Variants in NRG3 observed in about 807,000 individuals in gnomAD.
NRG3 encodes pro-neuregulin-3, membrane-bound isoform.
In NRG3, 31 loss-of-function variants were observed where a neutral mutation model predicts 66.9. The ratio of observed to expected loss-of-function variants is 0.46; its 90% CI spans 0.35 to 0.63. NRG3 has a LOEUF of 0.63. Ranked by LOEUF, NRG3 falls within the 20% of genes least tolerant of loss-of-function variation. NRG3 has a pLI of 0.00. For synonymous variants in NRG3, 393 were observed against 359.4 expected (o/e 1.09, Z -1.06); for missense variants, 910 against 878.9 (o/e 1.04, Z -0.45).
intron 1 of NRG3, among the ~76,000 whole-genome samples, chr10:82,020,320 C>T (rs951971139): frequency 3.3e-5 from 5 of 151,978 alleles, no homozygotes; most frequent in African/African-American, 1.2e-4. Flanking sequence ...TTGTTTAATT[C>T]CTTGAAGAGT....
chr10:81,957,063 A>G (rs935942822), intron 1 of NRG3, among the ~76,000 whole-genome samples: 4 of 152,140 alleles, frequency 2.6e-5, no homozygotes, highest in Non-Finnish European at 4.4e-5. Flanking sequence ...CACCAGTAAC[A>G]TGGTGCTTCT....
intron 2 of NRG3, among the ~76,000 whole-genome samples, chr10:82,364,806 A>G (rs541081046): frequency 4.6e-5 from 7 of 152,340 alleles, no homozygotes; most frequent in Middle Eastern, 3.4e-3. Flanking sequence ...CACTTGAAAT[A>G]TGGAATTGCT....
intron 1 of NRG3, among the ~76,000 whole-genome samples, chr10:82,148,826 C>G (rs1442161738): frequency 6.6e-6 from 1 of 152,108 alleles, no homozygotes; most frequent in Non-Finnish European, 1.5e-5. Context: ...CTATGACTTT[C>G]CTTTTTAGAC....
intron 1 of NRG3, among the ~76,000 whole-genome samples, chr10:82,285,071 C>T (rs1205636721): frequency 6.6e-6 from 1 of 152,166 alleles, no homozygotes; most frequent in Admixed American, 6.5e-5. Flanking sequence ...TGCCATCTTT[C>T]TGTTCAGAAA....
chr10:82,824,150 G>T (rs1056551525), intron 3 of NRG3, among the ~76,000 whole-genome samples: 5 of 152,044 alleles, frequency 3.3e-5, no homozygotes, highest in African/African-American at 1.2e-4. Flanking sequence ...TTTGTATCTG[G>T]CTTCTTTCAT....
intron 1 of NRG3, among the ~76,000 whole-genome samples, chr10:82,165,553 C>G (rs1474545966): frequency 2.0e-5 from 3 of 151,624 alleles, no homozygotes; most frequent in Non-Finnish European, 4.4e-5. Flanking sequence ...TAGTTGTTTC[C>G]TGCTTTTGAA....
chr10:82,387,037 T>C (rs1001696391), intron 2 of NRG3, among the ~76,000 whole-genome samples: 2 of 152,216 alleles, frequency 1.3e-5, no homozygotes, highest in African/African-American at 4.8e-5. Context: ...TGACTTCAAG[T>C]GATCTGCCCG....
At chr10:82,324,166 A>G (rs2081739130) in intron 1 of NRG3, among the ~76,000 whole-genome samples, 1 of 152,166 alleles carries the variant, frequency 6.6e-6, no homozygotes. Flanking sequence ...TGCCTGGCCA[A>G]GTAATTTTTC....
chr10:82,029,853 A>G (rs1262852984), intron 1 of NRG3, among the ~76,000 whole-genome samples: 1 of 152,090 alleles, frequency 6.6e-6, no homozygotes, highest in East Asian at 1.9e-4. Flanking sequence ...GGCATTTTGA[A>G]TGGCTTACTT....
chr10:82,793,550 T>G (rs1426912292), intron 3 of NRG3, among the ~76,000 whole-genome samples: 1 of 152,170 alleles, frequency 6.6e-6, no homozygotes, highest in African/African-American at 2.4e-5. Flanking sequence ...ATTTAAAACT[T>G]AAGCCTTCTC....
At chr10:82,914,489 C>T (rs1159627118) in intron 4 of NRG3, among the ~76,000 whole-genome samples, 1 of 152,104 alleles carries the variant, frequency 6.6e-6, no homozygotes, top group Non-Finnish European at 1.5e-5. Context: ...ACTGTAGTTA[C>T]AGGTGTCAGA....
intron 1 of NRG3, among the ~76,000 whole-genome samples, chr10:82,055,917 T>G (rs1564776207): frequency 6.6e-6 from 1 of 152,160 alleles, no homozygotes; most frequent in African/African-American, 2.4e-5. Context: ...ATTTCTCCTT[T>G]TGTTCTTAGG....
intron 4 of NRG3, among the ~76,000 whole-genome samples, chr10:82,930,169 G>T (rs1227682485): frequency 6.6e-6 from 1 of 152,126 alleles, no homozygotes; most frequent in Middle Eastern, 3.2e-3. Flanking sequence ...GAAGAGAGAT[G>T]GGAGTGTCCT....
intron 2 of NRG3, among the ~76,000 whole-genome samples, chr10:82,727,542 C>A (rs1393163052): frequency 1.3e-5 from 2 of 152,236 alleles, no homozygotes; most frequent in Non-Finnish European, 2.9e-5. Flanking sequence ...GGTTTGGAAA[C>A]CTCTGCCTAG....
chr10:82,963,851 C>A (rs1850927538), intron 6 of NRG3, among the ~76,000 whole-genome samples: 1 of 152,224 alleles, frequency 6.6e-6, no homozygotes, highest in East Asian at 1.9e-4. Flanking sequence ...TGACTACAAT[C>A]CCACACTCTG....
intron 3 of NRG3, among the ~76,000 whole-genome samples, chr10:82,787,801 A>G (rs1318954984): frequency 1.3e-5 from 2 of 152,166 alleles, no homozygotes; most frequent in Non-Finnish European, 2.9e-5. Context: ...ACAAATGTCA[A>G]GGCCATTCCA....
At chr10:82,256,431 A>G (rs1376252829) in intron 1 of NRG3, among the ~76,000 whole-genome samples, 1 of 152,058 alleles carries the variant, frequency 6.6e-6, no homozygotes, top group African/African-American at 2.4e-5. Context: ...TTTTTCTTGT[A>G]TGGCTCACTG....
Position 82,124,952 on chromosome 10 carries a change from G to T in NRG3, c.824-233787G>T, listed in dbSNP as rs74458026. Among the ~76,000 whole-genome samples, 1,260 of 151,882 alleles carry T rather than the reference G, an allele frequency of 8.3e-3. 25 individuals are homozygous for T. The highest frequency in any genetic ancestry group is 0.056 in the East Asian group (291 of 5,156). On this transcript the variant is annotated intron_variant, in intron 1 of 8. Transcript: ENST00000372141. ...TGACAAGCACATTTTACTCAGAAATGACATCAAAATGCAATATTTTTCTTG... is the reference window on the plus strand; with the variant it reads ...TGACAAGCACATTTTACTCAGAAATTACATCAAAATGCAATATTTTTCTTG...
Position 82,309,426 on chromosome 10 carries a change from G to T in NRG3, c.824-49313G>T, listed in dbSNP as rs937990700. On this transcript the variant is annotated intron_variant, in intron 1 of 8. Coordinates refer to ENST00000372141, the MANE Select transcript of NRG3 (RefSeq NM_001010848.4). ...TATTTTGAAGTCTCCTAGTTACATTGAGGGTGATTATACTTCATTTTACAA... is the reference window on the plus strand; with the variant it reads ...TATTTTGAAGTCTCCTAGTTACATTTAGGGTGATTATACTTCATTTTACAA... Among the ~76,000 whole-genome samples, 3 of 151,828 alleles carry T rather than the reference G, an allele frequency of 2.0e-5. No individual in the cohort carries two copies. The East Asian group carries it at 5.8e-4, about 29-fold the overall frequency.
Sources: gnomAD v4.1 joint callset for allele counts (sites outside exome capture counted in the v4.1 genomes callset) on GRCh38, gnomAD v4.1.1 for gene constraint, MANE v1.5 for transcripts, NCBI Gene and HGNC (gene_info 2026-07-23, HGNC 2026-07-21) for gene names.